The following HTR3A variants were observed in gnomAD, a reference collection of about 807,000 sequenced individuals.
HTR3A encodes the protein 5-hydroxytryptamine receptor 3A, also known as 5-hydroxytryptamine (serotonin) receptor 3A, ionotropic.
In HTR3A, 45 loss-of-function variants were observed where a neutral mutation model predicts 54.8. The observed-to-expected ratio is 0.82, with a 90% CI of 0.65 to 1.05. The LOEUF is 1.05. HTR3A is among the 50% of genes least tolerant of loss of function. HTR3A has a pLI of 0.00. For missense variants in HTR3A, 657 were observed against 614.0 expected, an observed-to-expected ratio of 1.07 and a Z score of -0.74; for synonymous variants, 297 against 256.0, an observed-to-expected ratio of 1.16 and a Z score of -1.53.
rs749185123 is a variant in HTR3A, at chr11:113,975,120, A to T, written c.-206A>T. On this transcript the variant is annotated 5_prime_UTR_variant, in exon 1 of 9. Coordinates refer to ENST00000504030, the MANE Select transcript of HTR3A (RefSeq NM_000869.6). ...TTTCCTCCCGCCTGAAACATGATCC[A>T]GCTGAAGGACTGATTGCAGGAAAAC... 2.9e-6 allele frequency: 2 copies of T among 698,150 alleles called. No individual in the cohort carries two copies. 43.2% of individuals were successfully genotyped at this position (698,150 alleles called of 1,614,324 possible).
chr11:113,981,819 G>C (rs541557969), intron 4 of HTR3A, among the ~76,000 whole-genome samples: 2 of 152,052 alleles, frequency 1.3e-5, no homozygotes, highest in East Asian at 3.9e-4. Context: ...TTAGCCAGGC[G>C]TGGTGGCGAG....
chr11:113,988,570 CCTGA>C lies in HTR3A; in HGVS notation c.1139-892_1139-889del, dbSNP rs1227620649. Among the ~76,000 whole-genome samples the C allele has an allele frequency of 2.0e-5, 3 of 152,264 alleles. No individual in the cohort carries two copies. The East Asian group carries it at 5.8e-4, about 29-fold the overall frequency. On this transcript the variant is annotated intron_variant, in intron 8 of 8. Coordinates refer to ENST00000504030, the MANE Select transcript of HTR3A (RefSeq NM_000869.6). ...CACGAGGTCAGGAGTTCGAGACCAG[CCTGA>C]CTAACATGGTGAAACCCCATCTCTA...
In HTR3A at chr11:113,989,520, G is replaced by A. The variant is rs752456198; in HGVS notation, c.1194G>A (p.Pro398=). Reference sequence around the variant, plus strand: ...GACCCCAGGACTTCGAGAAGAGCCCGAGGGACAGATGTAGCCCTCCCCCAC... The same window carrying A: ...GACCCCAGGACTTCGAGAAGAGCCCAAGGGACAGATGTAGCCCTCCCCCAC... The part of the protein sequence containing the change: ...MGGPQDFEKS[P]RDRCSPPPPP... The change falls in exon 9 of 9, where the codon CCG becomes CCA. Residue 398 remains proline (P), a synonymous_variant. Transcript: ENST00000504030. The surrounding 1 kb of genome is among the most constrained non-coding windows in gnomAD (Gnocchi z 4.4). 3.7e-6 allele frequency: 6 copies of A among 1,614,138 alleles called. No individual in the cohort carries two copies. Among genetic ancestry groups the A allele is most frequent in the Non-Finnish European group, 5.1e-6 (6 of 1,180,028 alleles).
chr11:113,979,128 C>A (rs908795058), intron 2 of HTR3A, 105 bp from the exon 3 acceptor site: 5 of 904,698 alleles, frequency 5.5e-6, no homozygotes, highest in South Asian at 1.3e-5. Context: ...TTTCACTTCC[C>A]AAAGCAATAG....
chr11:113,981,148 G>A (rs894672679), intron 3 of HTR3A, 55 bp from the exon 4 acceptor site: 34 of 1,093,578 alleles, frequency 3.1e-5, no homozygotes, highest in African/African-American at 2.6e-4. Context: ...AGTTGCAGGC[G>A]ACCCTCACTG....
intron 1 of HTR3A, chr11:113,977,479 C>T: frequency 3.2e-6 from 5 of 1,539,752 alleles, no homozygotes; most frequent in Non-Finnish European, 4.4e-6. Context: ...CCTTCTTAGC[C>T]CTCAACCTGA....
rs2276303 is a variant in HTR3A, at chr11:113,981,477, G to C, written c.374+165G>C. On this transcript the variant is annotated intron_variant, in intron 4 of 8. Transcript: ENST00000504030. ...CCAAATTCCCTTTGTCTTCCCCCCC[G>C]ACCTTTTTCTGTTCTTTTCTTTTTG... Among the ~76,000 whole-genome samples, 294 of 151,968 alleles carry C rather than the reference G, an allele frequency of 1.9e-3. 2 individuals carry two copies. Among genetic ancestry groups the C allele is most frequent in the African/African-American group, 6.8e-3 (282 of 41,372 alleles).
intron 7 of HTR3A, 36 bp from the exon 8 acceptor site, chr11:113,986,789 T>G (rs1950498436): frequency 2.2e-6 from 3 of 1,379,976 alleles, no homozygotes; most frequent in Non-Finnish European, 3.0e-6. Context: ...TCCCACCTCC[T>G]GCATGTGTCT....
At chr11:113,978,787 T>A (rs185080903) in intron 2 of HTR3A, among the ~76,000 whole-genome samples, 132 of 152,124 alleles carry the variant, frequency 8.7e-4, no homozygotes, top group African/African-American at 3.1e-3. Flanking sequence ...GGCCAGGAGT[T>A]CAAGACCAGC....
chr11:113,989,482 A>G lies in HTR3A; in HGVS notation c.1156A>G (p.Ser386Gly). The G allele has an allele frequency of 6.2e-7, 1 of 1,614,108 alleles. No homozygotes were observed. The highest frequency in any genetic ancestry group is 8.5e-7 in the Non-Finnish European group (1 of 1,180,028). Residue 386 changes from serine to glycine, a missense_variant, in exon 9 of 9, where the codon AGC becomes GGC. Physicochemically the swap from Ser to Gly is moderately conservative, Grantham distance 56 (BLOSUM62 0). Coordinates refer to ENST00000504030, the MANE Select transcript of HTR3A (RefSeq NM_000869.6). The surrounding 1 kb of genome is among the most constrained non-coding windows in gnomAD (Gnocchi z 4.4). The part of the protein sequence containing the change: ...DDCSAMGNHC[S>G]HMGGPQDFEK... ...TCTTCCAGCCATGGGAAACCACTGC[A>G]GCCACATGGGAGGACCCCAGGACTT...
At chr11:113,981,031 G>A (rs1355417206) in intron 3 of HTR3A, 172 bp from the exon 4 acceptor site, 3 of 640,346 alleles carry the variant, frequency 4.7e-6, no homozygotes, top group Admixed American at 4.4e-5. Flanking sequence ...GAATGAAGAG[G>A]TGGGGGGACT....
chr11:113,975,413 A>C (rs551548016), intron 1 of HTR3A, 21 bp downstream of exon 1: 1 of 1,603,556 alleles, frequency 6.2e-7, no homozygotes, highest in South Asian at 1.1e-5. Context: ...TTCGGGAAGC[A>C]GCAGGACTTG....
intron 4 of HTR3A, 102 bp from the exon 5 acceptor site, chr11:113,983,018 C>G: frequency 7.4e-7 from 1 of 1,358,680 alleles, no homozygotes; most frequent in Non-Finnish European, 1.1e-6. Flanking sequence ...TGCCTATACC[C>G]TCCCCGAACT....
chr11:113,982,403 C>G (rs1445290884), intron 4 of HTR3A, among the ~76,000 whole-genome samples: 2 of 152,168 alleles, frequency 1.3e-5, no homozygotes, highest in Admixed American at 6.5e-5. Flanking sequence ...CTGGAGGGCT[C>G]TGGGAAATCC....
rs372569767 is a variant in HTR3A, at chr11:113,981,469, T to TC, written c.374+164dup. 3.0e-3 allele frequency among the ~76,000 whole-genome samples: 457 copies of TC among 151,956 alleles called. 1 individual carries two copies. The highest frequency in any genetic ancestry group is 0.011 in the African/African-American group (437 of 41,428). ...GTGTGAGTCCAAATTCCCTTTGTCTTCCCCCCCGACCTTTTTCTGTTCTTT... is the reference window on the plus strand; with the variant it reads ...GTGTGAGTCCAAATTCCCTTTGTCTTCCCCCCCCGACCTTTTTCTGTTCTTT... On this transcript the variant is annotated intron_variant, in intron 4 of 8. Coordinates refer to ENST00000504030, the MANE Select transcript of HTR3A (RefSeq NM_000869.6).
At chr11:113,976,651 G>A (rs1950355661) in intron 1 of HTR3A, among the ~76,000 whole-genome samples, 1 of 145,204 alleles carries the variant, frequency 6.9e-6, no homozygotes. Flanking sequence ...AGGGAAGCCA[G>A]TAGCTTATCA....
chr11:113,977,944 C>T, intron 2 of HTR3A, 22 bp downstream of exon 2: 4 of 1,614,174 alleles, frequency 2.5e-6, no homozygotes, highest in African/African-American at 1.3e-5. Flanking sequence ...CCCCGAGCTG[C>T]ACACAGGCAG....
intron 1 of HTR3A, chr11:113,977,455 G>A (rs1950364253): frequency 8.1e-7 from 1 of 1,230,836 alleles, no homozygotes; most frequent in East Asian, 2.9e-5. Flanking sequence ...GGCCCCGTGG[G>A]CCACCTGCTC....
At chr11:113,979,548 A>G (rs1288307755) in intron 3 of HTR3A, among the ~76,000 whole-genome samples, 1 of 152,142 alleles carries the variant, frequency 6.6e-6, no homozygotes, top group Non-Finnish European at 1.5e-5. Context: ...GCCTCTGTTG[A>G]AAGGAACTCA....
Sources: allele counts gnomAD v4.1 joint callset (sites outside exome capture counted in the v4.1 genomes callset), GRCh38; gene constraint gnomAD v4.1.1; non-coding constraint Gnocchi (gnomAD v3.1); transcripts MANE v1.5; gene names NCBI Gene and HGNC (gene_info 2026-07-23, HGNC 2026-07-21).